SLC17A3: variants seen among roughly 807,000 people sequenced by gnomAD.
SLC17A3 encodes the protein solute carrier family 17 member 3, also known as sodium-dependent phosphate transport protein 4.
A neutral mutation model predicts 60.3 loss-of-function variants in SLC17A3; 61 were observed. The observed-to-expected ratio is 1.01, with a 90% CI of 0.82 to 1.25. SLC17A3 has a LOEUF of 1.25. Ranked by LOEUF, SLC17A3 falls within the 50% of genes most tolerant of loss-of-function variation. The pLI, the probability that SLC17A3 is intolerant of heterozygous loss-of-function variation, is 0.00. For missense variants in SLC17A3, 624 were observed against 594.9 expected (o/e 1.05, Z -0.51); for synonymous variants, 192 against 208.9 (o/e 0.92, Z 0.70).
intron 8 of SLC17A3, 83 bp downstream of exon 8, chr6:25,850,376 T>G: frequency 6.8e-7 from 1 of 1,466,722 alleles, no homozygotes. Flanking sequence ...AGAAATACAT[T>G]TCTCAGATGG....
At position 25,861,945 on chromosome 6, in the gene SLC17A3, T is replaced by C. The variant is rs1765455399; in HGVS notation, c.388A>G (p.Ser130Gly). The C allele has an allele frequency of 1.2e-6, 2 of 1,612,780 alleles. No homozygotes were observed. The highest frequency in any genetic ancestry group is 2.2e-5 in the South Asian group (2 of 90,738). ...GYGGILTMAPSGYLAGRVGTK... is the reference protein window; with the variant it reads ...GYGGILTMAPGGYLAGRVGTK... The stretch of plus-strand genomic sequence containing the variant: ...CCTACTCTTCCAGCCAGGTATCCAC[T>C]GGGAGCCATTGTCAGTATGCCACCA... Residue 130 changes from serine (S) to glycine (G), a missense_variant, in exon 4 of 13, where the codon AGT becomes GGT. Physicochemically the swap from Ser to Gly is moderately conservative, Grantham distance 56. Transcript: ENST00000397060.
At chr6:25,870,672 C>T (rs1181885715) in intron 1 of SLC17A3, among the ~76,000 whole-genome samples, 1 of 151,998 alleles carries the variant, frequency 6.6e-6, no homozygotes, top group African/African-American at 2.4e-5. Context: ...CAACCACTGG[C>T]AAGGAAGAAG....
chr6:25,867,830 C>T (rs760447172), intron 2 of SLC17A3, among the ~76,000 whole-genome samples: 1 of 151,654 alleles, frequency 6.6e-6, no homozygotes, highest in Non-Finnish European at 1.5e-5. Flanking sequence ...AGAAAATATA[C>T]AACACAATAC....
chr6:25,853,081 G>A (rs1417649980), intron 6 of SLC17A3, among the ~76,000 whole-genome samples: 1 of 152,134 alleles, frequency 6.6e-6, no homozygotes, highest in Non-Finnish European at 1.5e-5. Flanking sequence ...ACATTTATGA[G>A]TATTCCATCC....
In SLC17A3 at chr6:25,845,277, T is replaced by C; in HGVS notation, c.*24A>G. On this transcript the variant is annotated 3_prime_UTR_variant, in exon 13 of 13. Transcript: ENST00000397060. Reference sequence around the variant, plus strand: ...TTTATGCAATACGGTGCCTAATGACTTTTCCATCCAAGGTGGGATAACTAA... The same window carrying C: ...TTTATGCAATACGGTGCCTAATGACCTTTCCATCCAAGGTGGGATAACTAA... The C allele has an allele frequency of 2.8e-6, 4 of 1,408,402 alleles. No individual in the cohort carries two copies. Among genetic ancestry groups the C allele is most frequent in the Non-Finnish European group, 4.0e-6 (4 of 1,000,796 alleles). The allele number at this position is 1,408,402 out of a possible 1,614,324, so 87.2% of individuals were successfully genotyped here.
rs201381908 is a variant in SLC17A3 at position 25,849,950 on chromosome 6, T to G, written c.1126A>C (p.Ser376Arg). The part of the protein sequence containing the change: ...TVRKIATILG[S>R]LPSSALIVSL... ...ACAATGAGTGCTGAAGAGGGGAGAC[T>G]TCCTAGGAAATGAAGAAGAAACCAA... The change falls in exon 10 of 13, where the codon AGT becomes CGT. Residue 376 changes from serine (S) to arginine (R), a missense_variant and splice_region_variant. Physicochemically the swap from Ser to Arg is moderately radical, Grantham distance 110 (BLOSUM62 -1). Transcript: ENST00000397060. 1.5e-5 allele frequency: 25 copies of G among 1,613,958 alleles called. No individual in the cohort carries two copies. Among genetic ancestry groups the G allele is most frequent in the Non-Finnish European group, 2.1e-5 (25 of 1,179,860 alleles).
chr6:25,854,620 T>C (rs1448129784), intron 6 of SLC17A3, among the ~76,000 whole-genome samples: 1 of 152,208 alleles, frequency 6.6e-6, no homozygotes, highest in South Asian at 2.1e-4. Context: ...GTGGAAGTTA[T>C]GGAGGGAGCA....
chr6:25,850,088 C>G lies in SLC17A3; in HGVS notation c.1083G>C (p.Lys361Asn). 1.2e-6 allele frequency: 2 copies of G among 1,613,944 alleles called. No homozygotes were observed. The highest frequency in any genetic ancestry group is 2.2e-5 in the South Asian group (2 of 91,084). ...TTTTCCTCACAGTGATGAGTCTAAA[C>G]TTTTTGGTTAGAAGGAAATCTGCCA... ...GYLADFLLTK[K>N]FRLITVRKIA... is the part of the protein sequence containing the mutation. The change falls in exon 9 of 13, where the codon AAG (lysine) becomes AAC (asparagine). Residue 361 changes from lysine to asparagine, a missense_variant. Physicochemically the swap from Lys to Asn is moderately conservative, Grantham distance 94. Transcript: ENST00000397060.
intron 8 of SLC17A3, 84 bp from the exon 9 acceptor site, chr6:25,850,261 G>T: frequency 6.9e-7 from 1 of 1,457,522 alleles, no homozygotes. Flanking sequence ...TAATAATAAT[G>T]ACATTCTGAA....
At chr6:25,845,341 T>C in intron 12 of SLC17A3, 39 bp downstream of exon 12, 1 of 1,612,482 alleles carries the variant, frequency 6.2e-7, no homozygotes, top group Non-Finnish European at 8.5e-7. Context: ...TTCAGCTGCT[T>C]CTATGGCTAT....
At position 25,861,886 on chromosome 6, in the gene SLC17A3, T is replaced by C. The variant is rs1765453904; in HGVS notation, c.447A>G (p.Ala149=). The C allele has an allele frequency of 6.2e-7, 1 of 1,613,102 alleles. No homozygotes were observed. The highest frequency in any genetic ancestry group is 1.3e-5 in the African/African-American group (1 of 74,892). Reference sequence around the variant, plus strand: ...GGATGCATAGAGTGAGAAATGAAGTTGCAAACAAAGAAATGCCAACCACTC... The same window carrying C: ...GGATGCATAGAGTGAGAAATGAAGTCGCAAACAAAGAAATGCCAACCACTC... ...TKRVVGISLF[A]TSFLTLCIPL... The change falls in exon 4 of 13, where the codon GCA becomes GCG. Residue 149 remains alanine, a synonymous_variant. Coordinates refer to ENST00000397060, the MANE Select transcript of SLC17A3 (RefSeq NM_001098486.2).
chr6:25,861,563 C>T (rs1581527991), intron 5 of SLC17A3, 61 bp downstream of exon 5: 1 of 1,382,896 alleles, frequency 7.2e-7, no homozygotes, highest in Non-Finnish European at 1.0e-6. Context: ...GAAAAGTTGT[C>T]AAGGAACCCA....
At chr6:25,866,127 A>G (rs1209835710) in intron 2 of SLC17A3, among the ~76,000 whole-genome samples, 3 of 151,952 alleles carry the variant, frequency 2.0e-5, no homozygotes, top group African/African-American at 7.2e-5. Context: ...ATCCAACAGA[A>G]TACGGCAAAG....
In SLC17A3 at chr6:25,862,438, C is replaced by G. The variant is rs1456624970; in HGVS notation, c.98G>C (p.Ser33Thr). The change falls in exon 3 of 13, where the codon AGT (serine) becomes ACT (threonine). Residue 33 changes from serine to threonine, a missense_variant. By Grantham distance (58) the Ser-to-Thr change is moderately conservative. Coordinates refer to ENST00000397060, the MANE Select transcript of SLC17A3 (RefSeq NM_001098486.2). ...DETLIPRKVP[S>T]LCSARYGIAL... is the part of the protein sequence containing the mutation. Reference sequence around the variant, plus strand: ...TATTCCATAGCGAGCAGAACATAAACTTGGAACTGGAAATATTATGACATC... The same window carrying G: ...TATTCCATAGCGAGCAGAACATAAAGTTGGAACTGGAAATATTATGACATC... 6.2e-7 allele frequency: 1 copy of G among 1,612,498 alleles called. No individual in the cohort carries two copies. Among genetic ancestry groups the G allele is most frequent in the East Asian group, 2.2e-5 (1 of 44,874 alleles).
At chr6:25,846,421 T>A (rs1055499200) in intron 11 of SLC17A3, among the ~76,000 whole-genome samples, 2 of 152,158 alleles carry the variant, frequency 1.3e-5, no homozygotes, top group Non-Finnish European at 1.5e-5. Context: ...TAACTTCCAA[T>A]GGATGAATCT....
At chr6:25,846,574 C>A (rs966063594) in intron 11 of SLC17A3, among the ~76,000 whole-genome samples, 2 of 152,138 alleles carry the variant, frequency 1.3e-5, no homozygotes, top group Non-Finnish European at 2.9e-5. Context: ...TGGAAAGGAG[C>A]ACAAAAGAAC....
chr6:25,849,499 G>T (rs779627387), intron 10 of SLC17A3, 35 bp from the exon 11 acceptor site: 31 of 1,340,692 alleles, frequency 2.3e-5, no homozygotes, highest in South Asian at 1.9e-4. Context: ...TCTAGATCCA[G>T]AGATGTTTGA....
rs772010884 is a variant in SLC17A3 at position 25,855,169 on chromosome 6, C to T, written c.687G>A (p.Gly229=). The T allele has an allele frequency of 6.2e-7, 1 of 1,613,226 alleles. No homozygotes were observed. Among genetic ancestry groups the T allele is most frequent in the African/African-American group, 1.3e-5 (1 of 74,898 alleles). The change falls in exon 6 of 13, where the codon GGG becomes GGA. Residue 229 remains glycine (G), a synonymous_variant. Coordinates refer to ENST00000397060, the MANE Select transcript of SLC17A3 (RefSeq NM_001098486.2). ...CAAAGATATAGAAGACAAAGGGCCACCCAAGGGTTTCACTAATGAAGCCAC... is the reference window on the plus strand; with the variant it reads ...CAAAGATATAGAAGACAAAGGGCCATCCAAGGGTTTCACTAATGAAGCCAC... ...LIGGFISETL[G]WPFVFYIFGG...
intron 1 of SLC17A3, among the ~76,000 whole-genome samples, chr6:25,872,247 C>T (rs937876256): frequency 6.7e-6 from 1 of 148,406 alleles, no homozygotes; most frequent in East Asian, 2.0e-4. Context: ...TAAAGATGTG[C>T]TATTGCACAT....
Sources: gnomAD v4.1 joint callset for allele counts (sites outside exome capture counted in the v4.1 genomes callset) on GRCh38, gnomAD v4.1.1 for gene constraint, MANE v1.5 for transcripts, NCBI Gene and HGNC (gene_info 2026-07-23, HGNC 2026-07-21) for gene names.